Variants in ARHGAP18 observed in about 807,000 individuals in gnomAD.
ARHGAP18 encodes rho GTPase-activating protein 18.
In ARHGAP18, 67 loss-of-function variants were observed where a neutral mutation model predicts 86.2. The ratio of observed to expected loss-of-function variants is 0.78; its 90% CI spans 0.64 to 0.95. The LOEUF (loss-of-function observed/expected upper bound fraction) is 0.95. Ranked by LOEUF, ARHGAP18 falls within the 40% of genes least tolerant of loss-of-function variation. The probability of loss-of-function intolerance (pLI) is 0.00; values close to 1 mark genes in which losing one functional copy is unlikely to be tolerated. For missense variants in ARHGAP18, 691 were observed against 780.4 expected (o/e 0.89, Z 1.37); for synonymous variants, 283 against 280.4 (o/e 1.01, Z -0.09).
intron 5 of ARHGAP18, among the ~76,000 whole-genome samples, chr6:129,627,974 C>T (rs983117980): frequency 2.0e-5 from 3 of 151,932 alleles, no homozygotes; most frequent in South Asian, 4.1e-4. Flanking sequence ...CAAAATAACA[C>T]AGAATAGGGA....
At chr6:129,688,909 A>C (rs1362517319) in intron 1 of ARHGAP18, among the ~76,000 whole-genome samples, 1 of 152,218 alleles carries the variant, frequency 6.6e-6, no homozygotes, top group Non-Finnish European at 1.5e-5. Context: ...ACTGATGCTA[A>C]GAGCACTGCA....
intron 1 of ARHGAP18, among the ~76,000 whole-genome samples, chr6:129,685,171 A>T (rs2114540953): frequency 6.6e-6 from 1 of 152,248 alleles, no homozygotes; most frequent in East Asian, 1.9e-4. Context: ...GGTTTCCCCA[A>T]CTATAAAATA....
chr6:129,600,947 T>C (rs1406755972), intron 10 of ARHGAP18, 99 bp from the exon 11 acceptor site: 4 of 1,051,998 alleles, frequency 3.8e-6, no homozygotes, highest in Non-Finnish European at 5.4e-6. Context: ...AAAAAACAAG[T>C]TGTGTATAAG....
intron 1 of ARHGAP18, among the ~76,000 whole-genome samples, chr6:129,668,969 C>T (rs544316411): frequency 6.4e-4 from 97 of 152,174 alleles, no homozygotes; most frequent in Non-Finnish European, 1.2e-3. Context: ...AATGAAAGAA[C>T]AATACCTATC....
At chr6:129,666,829 G>A (rs532683787) in intron 1 of ARHGAP18, among the ~76,000 whole-genome samples, 1 of 152,284 alleles carries the variant, frequency 6.6e-6, no homozygotes, top group South Asian at 2.1e-4. Flanking sequence ...CCACAAATAA[G>A]GTTACAAGTC....
At chr6:129,698,761 C>T (rs928598660) in intron 1 of ARHGAP18, among the ~76,000 whole-genome samples, 3 of 146,764 alleles carry the variant, frequency 2.0e-5, no homozygotes, top group South Asian at 2.2e-4. Flanking sequence ...ATGGCAATCT[C>T]GGCTCACTGC....
chr6:129,655,317 C>CAAAAAAAAAAA (rs55681217), intron 1 of ARHGAP18, among the ~76,000 whole-genome samples: 40 of 75,032 alleles, frequency 5.3e-4, no homozygotes, highest in Non-Finnish European at 7.9e-4. Context: ...AAAACTCTCT[C>CAAAAAAAAAAA]AAAAAAAAAA....
At chr6:129,612,800 A>G (rs147436276) in intron 7 of ARHGAP18, among the ~76,000 whole-genome samples, 1 of 152,342 alleles carries the variant, frequency 6.6e-6, no homozygotes. Flanking sequence ...TTCCTGGGTT[A>G]TATTATGGCC....
At chr6:129,612,099 T>C (rs1788992027) in intron 7 of ARHGAP18, among the ~76,000 whole-genome samples, 1 of 152,194 alleles carries the variant, frequency 6.6e-6, no homozygotes, top group Non-Finnish European at 1.5e-5. Context: ...CAAAGAAAAA[T>C]GTCCTTGTAT....
chr6:129,613,906 T>C (rs1208514178), intron 7 of ARHGAP18, among the ~76,000 whole-genome samples: 2 of 152,208 alleles, frequency 1.3e-5, no homozygotes, highest in African/African-American at 2.4e-5. Flanking sequence ...TCAAAATATA[T>C]ATTACATACT....
chr6:129,670,431 G>A (rs943742233), intron 1 of ARHGAP18, among the ~76,000 whole-genome samples: 3 of 152,168 alleles, frequency 2.0e-5, no homozygotes, highest in Non-Finnish European at 4.4e-5. Flanking sequence ...TTTCAGAACT[G>A]AGTGGCAACA....
At chr6:129,618,889 G>C (rs748755730) in intron 5 of ARHGAP18, 37 bp from the exon 6 acceptor site, 1 of 1,566,686 alleles carries the variant, frequency 6.4e-7, no homozygotes, top group Non-Finnish European at 8.7e-7. Context: ...AAAGCTTACA[G>C]TACCTAACCT....
chr6:129,637,690 G>C (rs1773362701), intron 3 of ARHGAP18, among the ~76,000 whole-genome samples: 1 of 152,156 alleles, frequency 6.6e-6, no homozygotes, highest in Non-Finnish European at 1.5e-5. Flanking sequence ...CAAACACAAA[G>C]CTGTAACCAA....
chr6:129,613,227 T>A (rs1461337365), intron 7 of ARHGAP18, among the ~76,000 whole-genome samples: 3 of 130,388 alleles, frequency 2.3e-5, no homozygotes, highest in African/African-American at 8.4e-5. Flanking sequence ...AGCGAGACTC[T>A]GTCTCAAAAA....
chr6:129,703,651 CAT>C (rs1482178583), intron 1 of ARHGAP18, among the ~76,000 whole-genome samples: 2 of 152,256 alleles, frequency 1.3e-5, no homozygotes, highest in African/African-American at 2.4e-5. Flanking sequence ...GCAAATATCA[CAT>C]GTCTGTGAAT....
chr6:129,585,673 A>G (rs1015810729), intron 12 of ARHGAP18, among the ~76,000 whole-genome samples: 1 of 152,186 alleles, frequency 6.6e-6, no homozygotes, highest in Non-Finnish European at 1.5e-5. Flanking sequence ...CACAGAACAC[A>G]TTACTCCAAA....
intron 1 of ARHGAP18, among the ~76,000 whole-genome samples, chr6:129,674,321 C>T (rs553087417): frequency 3.6e-4 from 55 of 152,288 alleles, no homozygotes; most frequent in Middle Eastern, 3.4e-3. Context: ...TGGCCTCCTT[C>T]CTTCCTTGAA....
chr6:129,600,340 AG>A (rs1158684999), intron 11 of ARHGAP18, among the ~76,000 whole-genome samples: 1 of 152,150 alleles, frequency 6.6e-6, no homozygotes, highest in Non-Finnish European at 1.5e-5. Context: ...CTTTCAATAA[AG>A]GGTCTATGAA....
intron 1 of ARHGAP18, among the ~76,000 whole-genome samples, chr6:129,668,569 C>T (rs1774086171): frequency 6.6e-6 from 1 of 152,184 alleles, no homozygotes; most frequent in Non-Finnish European, 1.5e-5. Flanking sequence ...CAGCTTTTCT[C>T]CATTCCTCGT....
Sources: allele counts gnomAD v4.1 joint callset (sites outside exome capture counted in the v4.1 genomes callset), GRCh38; gene constraint gnomAD v4.1.1; transcripts MANE v1.5; gene names NCBI Gene and HGNC (gene_info 2026-07-23, HGNC 2026-07-21).